The following MACF1 variants were observed in gnomAD, a reference collection of about 807,000 sequenced individuals.
MACF1 encodes the protein microtubule actin crosslinking factor 1, also known as microtubule-actin cross-linking factor 1.
Under a neutral mutation model 854.8 loss-of-function variants are expected in MACF1, and 193 were observed. The observed-to-expected ratio is 0.23, with a 90% CI of 0.20 to 0.25. The LOEUF is 0.25. Ranked by LOEUF, MACF1 falls within the 10% of genes least tolerant of loss-of-function variation. The pLI is 1.00. For synonymous variants in MACF1, 3,185 were observed against 3,226.7 expected (o/e 0.99, Z 0.44); for missense variants, 7,722 against 8,929.1 (o/e 0.86, Z 5.45).
At chr1:39,368,480 A>G (rs1274561387) in intron 50 of MACF1, among the ~76,000 whole-genome samples, 166 bp downstream of exon 50, 1 of 152,038 alleles carries the variant, frequency 6.6e-6, no homozygotes, top group East Asian at 1.9e-4. Flanking sequence ...AAGCTACCTC[A>G]TCTACTTGAT....
intron 1 of MACF1, among the ~76,000 whole-genome samples, chr1:39,228,765 T>A (rs1644746073): frequency 6.6e-6 from 1 of 152,224 alleles, no homozygotes; most frequent in Non-Finnish European, 1.5e-5. Context: ...GCGATTCTCC[T>A]GCCTCAGCCT....
At chr1:39,120,141 C>T (rs1197677031) in intron 2 of MACF1, among the ~76,000 whole-genome samples, 3 of 152,032 alleles carry the variant, frequency 2.0e-5, no homozygotes, top group Non-Finnish European at 4.4e-5. Context: ...GTCTTGGCCT[C>T]CGAAAGTGCT....
In MACF1 at chr1:39,208,193, C is replaced by T. The variant is rs186949261; in HGVS notation, c.109+3062C>T. 1.3e-4 allele frequency among the ~76,000 whole-genome samples: 19 copies of T among 150,342 alleles called. No homozygotes were observed. The East Asian group carries it at 2.9e-3, about 23-fold the overall frequency. On this transcript the variant is annotated intron_variant, in intron 1 of 100. Coordinates refer to ENST00000564288, the MANE Select transcript of MACF1 (RefSeq NM_001394062.1). The stretch of plus-strand genomic sequence containing the variant: ...TTTTTTTTTTTAATTAAATCTACTC[C>T]GTTCCTGTTTCACTGGTTTTATTTC...
chr1:39,111,366 TTTTATTTATTTATTTA>T (rs34525332), intron 2 of MACF1, among the ~76,000 whole-genome samples: 1 of 148,142 alleles, frequency 6.8e-6, no homozygotes, highest in Admixed American at 6.7e-5. Flanking sequence ...CAGCTAATTA[TTTTATTTATTTATTTA>T]TTTATTTATT....
intron 2 of MACF1, among the ~76,000 whole-genome samples, chr1:39,121,440 T>TTTTATTTA (rs551997214): frequency 3.9e-5 from 6 of 152,100 alleles, no homozygotes; most frequent in African/African-American, 7.2e-5. Context: ...TTTTGTTTTA[T>TTTTATTTA]TTTATTTATT....
intron 56 of MACF1, among the ~76,000 whole-genome samples, chr1:39,384,914 G>A (rs74066769): frequency 0.037 from 5,691 of 152,248 alleles, 356 homozygotes; most frequent in African/African-American, 0.13. Context: ...AATAAAATAG[G>A]AACAATCAGT....
chr1:39,297,789 G>A, intron 21 of MACF1, 44 bp downstream of exon 21: 1 of 1,606,292 alleles, frequency 6.2e-7, no homozygotes, highest in Non-Finnish European at 8.5e-7. Flanking sequence ...GAGAAAGAGA[G>A]TAAACCATAT....
At chr1:39,172,239 G>C (rs1410105128) in intron 2 of MACF1, among the ~76,000 whole-genome samples, 3 of 152,180 alleles carry the variant, frequency 2.0e-5, no homozygotes, top group Non-Finnish European at 4.4e-5. Flanking sequence ...GAGTGGCAGG[G>C]AAAAGTTTTT....
chr1:39,311,133 G>GTC, intron 26 of MACF1, 133 bp downstream of exon 26: 1 of 899,974 alleles, frequency 1.1e-6, no homozygotes, highest in Non-Finnish European at 1.6e-6. Flanking sequence ...TCTTCTTGCA[G>GTC]TCTATAAATG....
intron 2 of MACF1, among the ~76,000 whole-genome samples, chr1:39,126,510 G>A (rs1239355707): frequency 1.3e-5 from 2 of 152,226 alleles, no homozygotes; most frequent in East Asian, 3.9e-4. Flanking sequence ...GTTTAGGGCC[G>A]AGCACGGTGG....
intron 4 of MACF1, among the ~76,000 whole-genome samples, chr1:39,253,865 C>T (rs992414597): frequency 6.6e-6 from 1 of 152,198 alleles, no homozygotes; most frequent in Non-Finnish European, 1.5e-5. Flanking sequence ...ATAAAGTTGG[C>T]TCCATCTACT....
chr1:39,432,450 AG>A, intron 66 of MACF1, 84 bp from the exon 67 acceptor site: 1 of 1,232,034 alleles, frequency 8.1e-7, no homozygotes, highest in Non-Finnish European at 1.2e-6. Flanking sequence ...CTGAAAATCC[AG>A]GCCTTGCTTT....
intron 51 of MACF1, 96 bp from the exon 52 acceptor site, chr1:39,372,382 CT>C: frequency 1.5e-6 from 1 of 666,422 alleles, no homozygotes; most frequent in South Asian, 1.9e-5. Flanking sequence ...TCTCTTAATG[CT>C]TTTCAAAACA....
intron 1 of MACF1, among the ~76,000 whole-genome samples, chr1:39,220,332 C>T (rs1038826606): frequency 1.3e-4 from 19 of 151,444 alleles, no homozygotes; most frequent in Non-Finnish European, 2.9e-5. Context: ...ACCACCTTGC[C>T]TGGCTAATTT....
At chr1:39,414,046 G>T in intron 58 of MACF1, 1 of 1,607,080 alleles carries the variant, frequency 6.2e-7, no homozygotes, top group Non-Finnish European at 8.5e-7. Context: ...AGCAGCTGCA[G>T]TGCTCACCCC....
chr1:39,084,416 G>A lies in MACF1; in HGVS notation c.198G>A (p.Glu66=). The change falls in exon 2 of 94, where the codon GAG becomes GAA. Residue 66 remains glutamate (E), a synonymous_variant. Coordinates refer to the MACF1 transcript ENST00000361689. This position sits in a 1 kb window ranked among gnomAD's most constrained non-coding sequence, Gnocchi z 5.2. ...AGGATTCGGTGCTGGACCCTGCAGA[G>A]CGTGCTGTGGTCAGAGTCGCTGGTA... 1.2e-6 allele frequency: 2 copies of A among 1,610,966 alleles called. No individual in the cohort carries two copies. Among genetic ancestry groups the A allele is most frequent in the African/African-American group, 2.7e-5 (2 of 75,068 alleles).
At chr1:39,138,366 A>G (rs925671844) in intron 2 of MACF1, among the ~76,000 whole-genome samples, 2 of 151,670 alleles carry the variant, frequency 1.3e-5, no homozygotes, top group Non-Finnish European at 2.9e-5. Context: ...GGCAGATCAC[A>G]AGGTCAGGAG....
intron 3 of MACF1, among the ~76,000 whole-genome samples, chr1:39,250,688 C>G (rs1645031192): frequency 6.6e-6 from 1 of 151,740 alleles, no homozygotes; most frequent in Non-Finnish European, 1.5e-5. Context: ...AACATCTGGG[C>G]TCCTTGATTA....
intron 2 of MACF1, among the ~76,000 whole-genome samples, chr1:39,099,234 C>A (rs569475001): frequency 2.0e-5 from 3 of 152,234 alleles, no homozygotes; most frequent in African/African-American, 4.8e-5. Flanking sequence ...AGGCTCACTG[C>A]AACCTCTGCC....
Sources: gnomAD v4.1 joint callset for allele counts (sites outside exome capture counted in the v4.1 genomes callset) on GRCh38, gnomAD v4.1.1 for gene constraint, Gnocchi (gnomAD v3.1) non-coding constraint, MANE v1.5 for transcripts, NCBI Gene and HGNC (gene_info 2026-07-23, HGNC 2026-07-21) for gene names.